The following NUP155 variants were observed in gnomAD, a reference collection of about 807,000 sequenced individuals.
NUP155 encodes nuclear pore complex protein Nup155.
Under a neutral mutation model 180.4 loss-of-function variants are expected in NUP155, and 71 were observed. The ratio of observed to expected loss-of-function variants is 0.39; its 90% CI spans 0.33 to 0.48. The LOEUF (loss-of-function observed/expected upper bound fraction) is 0.48, where lower values mean the gene tolerates loss of function less well. Among genes scored for constraint, NUP155 ranks in the 20% least tolerant of loss-of-function variants. NUP155 has a pLI of 0.91. For missense variants in NUP155, 1,553 were observed against 1,648.9 expected (o/e 0.94, Z 1.01); for synonymous variants, 582 against 559.5 (o/e 1.04, Z -0.57).
chr5:37,345,510 CAAAAAAAAA>C (rs570982659), intron 9 of NUP155, among the ~76,000 whole-genome samples: 136 of 67,134 alleles, frequency 2.0e-3, no homozygotes, highest in African/African-American at 6.8e-3. Context: ...GACTCCATTT[CAAAAAAAAA>C]AAAAAAAAAA....
At position 37,337,835 on chromosome 5, in the gene NUP155, G is replaced by T. The variant is rs1745438954; in HGVS notation, c.1330C>A (p.Pro444Thr). ...TAACTTACCTGGGTTTCCATCATTG[G>T]CTTTTGGAAAGGAAAAGTATCATGG... ...VNHDTFPFQKPMMETQMTAGV... is the reference protein window; with the variant it reads ...VNHDTFPFQKTMMETQMTAGV... Residue 444 changes from proline to threonine, a missense_variant, in exon 12 of 35, where the codon CCA (proline) becomes ACA (threonine). Physicochemically the swap from Pro to Thr is conservative, Grantham distance 38 (BLOSUM62 -1). Transcript: ENST00000231498. 3.7e-6 allele frequency: 6 copies of T among 1,605,550 alleles called. No homozygotes were observed. Among genetic ancestry groups the T allele is most frequent in the Non-Finnish European group, 5.1e-6 (6 of 1,172,904 alleles).
At chr5:37,357,468 T>G (rs1047339170) in intron 4 of NUP155, among the ~76,000 whole-genome samples, 1 of 150,832 alleles carries the variant, frequency 6.6e-6, no homozygotes, top group Non-Finnish European at 1.5e-5. Flanking sequence ...AAAATTTTTC[T>G]TAACATTAAA....
At chr5:37,294,290 TAAAG>T (rs1380713432) in intron 33 of NUP155, 35 bp downstream of exon 33, 10 of 1,378,144 alleles carry the variant, frequency 7.3e-6, no homozygotes, top group Non-Finnish European at 9.0e-6. Context: ...TTACTTTAAT[TAAAG>T]AAAATAATTT....
intron 16 of NUP155, 52 bp from the exon 17 acceptor site, chr5:37,328,472 T>C: frequency 7.7e-7 from 1 of 1,304,428 alleles, no homozygotes; most frequent in Non-Finnish European, 1.1e-6. Context: ...TCTCAATCTT[T>C]TGAATGTGAT....
At chr5:37,320,993 GA>G (rs1744207340) in intron 20 of NUP155, among the ~76,000 whole-genome samples, 1 of 152,158 alleles carries the variant, frequency 6.6e-6, no homozygotes, top group Non-Finnish European at 1.5e-5. Flanking sequence ...ATACAATAAG[GA>G]AATGGGAAAG....
chr5:37,350,241 T>C lies in NUP155; in HGVS notation c.748A>G (p.Arg250Gly). Residue 250 changes from arginine (R) to glycine (G), a missense_variant, in exon 7 of 35, where the codon AGA becomes GGA. Transcript: ENST00000231498. ...YQAEAGWFSQ[R>G]CRKINHSKSS... is the part of the protein sequence containing the mutation. ...TTTGAGTGGTTTATTTTCCTACATC[T>C]TTGGCTAAACCACCCTGCTTCAGCC... 1 of 1,613,788 alleles carries C rather than the reference T, an allele frequency of 6.2e-7. No individual in the cohort carries two copies. Among genetic ancestry groups the C allele is most frequent in the Non-Finnish European group, 8.5e-7 (1 of 1,179,814 alleles).
At position 37,290,906 on chromosome 5, in the gene NUP155, A is replaced by C. The variant is rs1742205681; in HGVS notation, c.*994T>G. On this transcript the variant is annotated 3_prime_UTR_variant, in exon 35 of 35. Transcript: ENST00000231498. Reference sequence around the variant, plus strand: ...CTAGGTGATGCTGATGCTGATGCTGATGCTTCTGGTTTGGAGCACATACTT... The same window carrying C: ...CTAGGTGATGCTGATGCTGATGCTGCTGCTTCTGGTTTGGAGCACATACTT... The C allele has an allele frequency of 6.6e-6, 1 of 152,172 alleles. No homozygotes were observed. The highest frequency in any genetic ancestry group is 2.4e-5 in the African/African-American group (1 of 41,418). 9.4% of individuals were successfully genotyped at this position (152,172 alleles called of 1,614,324 possible).
chr5:37,327,767 G>A lies in NUP155; in HGVS notation c.1886C>T (p.Pro629Leu). Residue 629 changes from proline to leucine, a missense_variant, in exon 18 of 35, where the codon CCT becomes CTT. Transcript: ENST00000231498. ...FLGTPSHGIQ[P>L]PAMSTPVCAL... ...ACACACTGGAGTTGACATGGCAGGAGGCTGTATACCTTGTACACACATAAG... is the reference window on the plus strand; with the variant it reads ...ACACACTGGAGTTGACATGGCAGGAAGCTGTATACCTTGTACACACATAAG... 6.2e-7 allele frequency: 1 copy of A among 1,614,080 alleles called. No homozygotes were observed. Among genetic ancestry groups the A allele is most frequent in the East Asian group, 2.2e-5 (1 of 44,870 alleles).
At chr5:37,314,873 A>G (rs1021521562) in intron 21 of NUP155, among the ~76,000 whole-genome samples, 33 of 151,968 alleles carry the variant, frequency 2.2e-4, no homozygotes, top group African/African-American at 8.0e-4. Context: ...ATGAATAGAA[A>G]CCTAGGGTCC....
At chr5:37,300,683 G>T (rs1742813038) in intron 30 of NUP155, among the ~76,000 whole-genome samples, 1 of 151,748 alleles carries the variant, frequency 6.6e-6, no homozygotes, top group Non-Finnish European at 1.5e-5. Context: ...TTGAGACAGG[G>T]TCTCACTCTG....
At chr5:37,358,509 T>C (rs1330017404) in intron 3 of NUP155, among the ~76,000 whole-genome samples, 2 of 151,928 alleles carry the variant, frequency 1.3e-5, no homozygotes, top group African/African-American at 4.8e-5. Flanking sequence ...CTTACAATGA[T>C]CTTTATTATT....
chr5:37,299,364 C>A, intron 31 of NUP155, 84 bp downstream of exon 31: 1 of 1,515,924 alleles, frequency 6.6e-7, no homozygotes, highest in Non-Finnish European at 9.1e-7. Context: ...TAGCAGCTTG[C>A]ATTATATTAG....
chr5:37,331,814 G>C lies in NUP155; in HGVS notation c.1519-19C>G, dbSNP rs1744980257. 1 of 1,446,900 alleles carries C rather than the reference G, an allele frequency of 6.9e-7. No homozygotes were observed. The highest frequency in any genetic ancestry group is 9.7e-7 in the Non-Finnish European group (1 of 1,032,322). The allele number at this position is 1,446,900 out of a possible 1,614,324, so 89.6% of individuals were successfully genotyped here. A position where few individuals can be genotyped will look rare whatever the true frequency, so the allele number is the denominator to read the frequency against. On this transcript the variant is annotated intron_variant, in intron 13 of 34. Coordinates refer to ENST00000231498, the MANE Select transcript of NUP155 (RefSeq NM_153485.3). ...GGCTCCCCTAAGAAATTTGAAGAAA[G>C]AACATGAACAAGAGATTTACCAAGA...
intron 4 of NUP155, 145 bp downstream of exon 4, chr5:37,357,936 T>G: frequency 1.6e-6 from 1 of 627,946 alleles, no homozygotes; most frequent in Non-Finnish European, 3.0e-6. Flanking sequence ...GAGATTGCAG[T>G]GAGCCAAGAT....
At position 37,290,505 on chromosome 5, in the gene NUP155, TAG is replaced by T. The variant is rs1357768529; in HGVS notation, c.*1393_*1394del. 1 of 151,272 alleles carries T rather than the reference TAG, an allele frequency of 6.6e-6. No individual in the cohort carries two copies. Among genetic ancestry groups the T allele is most frequent in the East Asian group, 1.9e-4 (1 of 5,174 alleles). 9.4% of individuals were successfully genotyped at this position (151,272 alleles called of 1,614,324 possible). ...AAAAAAAAAAAAAGAGAGAAAGGAA[TAG>T]AGTGTTTTGTTAGCTCTGGTCATTC... On this transcript the variant is annotated 3_prime_UTR_variant, in exon 35 of 35. Coordinates refer to ENST00000231498, the MANE Select transcript of NUP155 (RefSeq NM_153485.3).
chr5:37,327,573 A>T, intron 18 of NUP155, 56 bp downstream of exon 18: 1 of 1,589,742 alleles, frequency 6.3e-7, no homozygotes, highest in Middle Eastern at 1.7e-4. Flanking sequence ...AAAAATATTT[A>T]ACTACTCAAG....
chr5:37,297,836 A>ATTTT (rs1248581244), intron 32 of NUP155, among the ~76,000 whole-genome samples: 2 of 152,098 alleles, frequency 1.3e-5, no homozygotes, highest in African/African-American at 4.8e-5. Flanking sequence ...TACCTACAAA[A>ATTTT]GTAAGGGTAT....
chr5:37,365,958 C>T (rs1222895251), intron 1 of NUP155, among the ~76,000 whole-genome samples: 2 of 151,640 alleles, frequency 1.3e-5, no homozygotes, highest in African/African-American at 4.9e-5. Context: ...GGGGAAAATA[C>T]TGCCTTTACC....
chr5:37,364,165 T>C (rs1433556095), intron 2 of NUP155, 82 bp downstream of exon 2: 2 of 1,240,746 alleles, frequency 1.6e-6, no homozygotes, highest in East Asian at 5.1e-5. Flanking sequence ...TATAACACAT[T>C]AATTAAACAT....
Sources: allele counts gnomAD v4.1 joint callset (sites outside exome capture counted in the v4.1 genomes callset), GRCh38; gene constraint gnomAD v4.1.1; transcripts MANE v1.5; gene names NCBI Gene and HGNC (gene_info 2026-07-23, HGNC 2026-07-21).